The following CBLN2 variants were observed in gnomAD, a reference collection of about 807,000 sequenced individuals.
CBLN2 encodes the protein cerebellin 2 precursor.
CBLN2 carries 7 observed loss-of-function variants against 15.0 expected under a neutral mutation model. That is an observed-to-expected ratio of 0.47 (90% CI 0.27 to 0.88). The LOEUF (loss-of-function observed/expected upper bound fraction) is 0.88, where lower values mean the gene tolerates loss of function less well. Among genes scored for constraint, CBLN2 ranks in the 40% least tolerant of loss-of-function variants. The pLI is 0.14. For synonymous variants in CBLN2, 149 were observed against 135.2 expected (o/e 1.10, Z -0.71); for missense variants, 242 against 304.5 (o/e 0.79, Z 1.53).
intron 1 of CBLN2, among the ~76,000 whole-genome samples, chr18:72,559,240 A>T (rs1343980833): frequency 6.6e-6 from 1 of 152,180 alleles, no homozygotes; most frequent in East Asian, 1.9e-4. Flanking sequence ...ACAATTAACC[A>T]ATCAGCAGTG....
chr18:72,637,899 C>T lies in CBLN2; in HGVS notation c.15+426G>A, dbSNP rs1326974892. Reference sequence around the variant, plus strand: ...GCAAGGAGGCAGAGTCACTGGCAGGCGCTGAAGAAGACAGCGGAGCTCTGA... The same window carrying T: ...GCAAGGAGGCAGAGTCACTGGCAGGTGCTGAAGAAGACAGCGGAGCTCTGA... On this transcript the variant is annotated intron_variant, in intron 1 of 2. Transcript: ENST00000581073. 3.3e-5 allele frequency among the ~76,000 whole-genome samples: 5 copies of T among 152,160 alleles called. No individual in the cohort carries two copies. In the South Asian group the frequency reaches 1.0e-3, roughly 31 times the overall value.
At chr18:72,573,740 G>T (rs2069346638) in intron 1 of CBLN2, among the ~76,000 whole-genome samples, 1 of 152,182 alleles carries the variant, frequency 6.6e-6, no homozygotes, top group Admixed American at 6.5e-5. Context: ...TATGGATAAA[G>T]CTGCTATAAG....
chr18:72,621,787 A>G (rs1251494427), intron 1 of CBLN2, among the ~76,000 whole-genome samples: 1 of 152,166 alleles, frequency 6.6e-6, no homozygotes, highest in African/African-American at 2.4e-5. Context: ...TATGTCATGT[A>G]TGTTTGGTTA....
At chr18:72,560,873 G>T (rs1169617671) in intron 1 of CBLN2, among the ~76,000 whole-genome samples, 1 of 152,110 alleles carries the variant, frequency 6.6e-6, no homozygotes, top group African/African-American at 2.4e-5. Context: ...GCCGGGAGTG[G>T]TGGTGGGCGC....
intron 1 of CBLN2, among the ~76,000 whole-genome samples, chr18:72,632,835 C>G (rs1462219044): frequency 6.6e-6 from 1 of 152,204 alleles, no homozygotes; most frequent in Non-Finnish European, 1.5e-5. Flanking sequence ...AGAGAACCCC[C>G]AAAGAGCTGG....
chr18:72,619,069 C>G (rs1312216927), intron 1 of CBLN2: 6 of 751,256 alleles, frequency 8.0e-6, no homozygotes, highest in Non-Finnish European at 1.4e-5. Context: ...TTGCAACAGT[C>G]TTCAAATTTT....
In CBLN2 at chr18:72,542,203, C is replaced by A. The variant is rs184946495; in HGVS notation, c.-43G>T. On this transcript the variant is annotated 5_prime_UTR_variant, in exon 3 of 5. Transcript: ENST00000269503. ...GGCGCGCGGGGGTGGAGGCCGGCGC[C>A]GGCGCGAGCGGCGCGGAAGGGCGCG... The A allele has an allele frequency of 4.3e-4, 498 of 1,159,302 alleles. No individual in the cohort carries two copies. The African/African-American group carries it at 7.5e-3, about 18-fold the overall frequency. The allele number at this position is 1,159,302 out of a possible 1,614,324, so 71.8% of individuals were successfully genotyped here. A position where few individuals can be genotyped will look rare whatever the true frequency, so the allele number is the denominator to read the frequency against.
chr18:72,604,028 C>T (rs991228221), intron 1 of CBLN2, among the ~76,000 whole-genome samples: 9 of 152,258 alleles, frequency 5.9e-5, no homozygotes, highest in African/African-American at 1.9e-4. Flanking sequence ...AACTTGCGTC[C>T]AGCACCGATT....
intron 1 of CBLN2, among the ~76,000 whole-genome samples, chr18:72,598,414 T>A (rs1180516472): frequency 6.6e-6 from 1 of 152,210 alleles, no homozygotes; most frequent in African/African-American, 2.4e-5. Context: ...TAAGCTGGTA[T>A]CCACGTTGCA....
At chr18:72,625,812 C>CTG (rs1356605655) in intron 1 of CBLN2, among the ~76,000 whole-genome samples, 1 of 69,068 alleles carries the variant, frequency 1.4e-5, no homozygotes, top group Non-Finnish European at 2.9e-5. Context: ...CTCTCTCTCT[C>CTG]TCTCTCTATA....
rs748826242 is a variant in CBLN2, at chr18:72,538,785, AGGGAACAC to A, written c.358-21_358-14del. 1 of 1,612,794 alleles carries A rather than the reference AGGGAACAC, an allele frequency of 6.2e-7. No homozygotes were observed. The highest frequency in any genetic ancestry group is 1.7e-5 in the Admixed American group (1 of 59,978). Reference sequence around the variant, plus strand: ...TATTTACTAATACCTGAAAAAGAAGAGGGAACACAGCACACAATGGCAAGCCCCTCCTC... The same window carrying A: ...TATTTACTAATACCTGAAAAAGAAGAAGCACACAATGGCAAGCCCCTCCTC... On this transcript the variant is annotated splice_polypyrimidine_tract_variant and intron_variant, in intron 3 of 4. Transcript: ENST00000269503.
At chr18:72,589,767 G>T (rs997798080) in intron 1 of CBLN2, among the ~76,000 whole-genome samples, 1 of 152,162 alleles carries the variant, frequency 6.6e-6, no homozygotes, top group Non-Finnish European at 1.5e-5. Flanking sequence ...GAAACAAAAG[G>T]CTATTGTGGG....
intron 1 of CBLN2, among the ~76,000 whole-genome samples, chr18:72,565,503 T>C (rs1007913753): frequency 2.6e-5 from 4 of 152,112 alleles, no homozygotes; most frequent in African/African-American, 7.2e-5. Context: ...AAATGAAAAT[T>C]ATAAATTGTG....
At chr18:72,633,322 G>C (rs1379751790) in intron 1 of CBLN2, among the ~76,000 whole-genome samples, 1 of 152,116 alleles carries the variant, frequency 6.6e-6, no homozygotes, top group African/African-American at 2.4e-5. Flanking sequence ...ACGTTTATAG[G>C]ATTTCTCCTC....
At chr18:72,613,574 A>G (rs1249662832) in intron 1 of CBLN2, among the ~76,000 whole-genome samples, 3 of 152,020 alleles carry the variant, frequency 2.0e-5, no homozygotes, top group African/African-American at 7.2e-5. Flanking sequence ...AAGCTTTGCT[A>G]TTTGCAATAA....
chr18:72,544,528 C>T (rs1306401402), upstream of CBLN2: 5 of 152,322 alleles, frequency 3.3e-5, no homozygotes, highest in South Asian at 1.0e-3. Flanking sequence ...CCGGCGGACT[C>T]CGACAGAAGA....
At position 72,542,115 on chromosome 18, in the gene CBLN2, G is replaced by C. The variant is rs746640682; in HGVS notation, c.46C>G (p.Pro16Ala). ...TCGCGCAGCGCCCCCCGGCGCCCGG[G>C]CATCATCAGCCGCAGCCCGAGTGGC... is the stretch of plus-strand genomic sequence containing the variant. ...RGPLGLRLMM[P>A]GRRGALREPG... is the part of the protein sequence containing the mutation. The change falls in exon 3 of 5, where the codon CCC (proline) becomes GCC (alanine). Residue 16 changes from proline to alanine, a missense_variant. Coordinates refer to ENST00000269503, the MANE Select transcript of CBLN2 (RefSeq NM_182511.4). 240 of 1,434,080 alleles carry C rather than the reference G, an allele frequency of 1.7e-4. No homozygotes were observed. The African/African-American group carries it at 3.4e-3, about 20-fold the overall frequency. The allele number at this position is 1,434,080 out of a possible 1,614,324, so 88.8% of individuals were successfully genotyped here.
At chr18:72,546,127 G>A (rs909351813), upstream of CBLN2, among the ~76,000 whole-genome samples, 1 of 152,168 alleles carries the variant, frequency 6.6e-6, no homozygotes, top group African/African-American at 2.4e-5. Flanking sequence ...TGATTAATTA[G>A]TTGTTTCACA....
At chr18:72,603,457 G>C (rs2069562336) in intron 1 of CBLN2, among the ~76,000 whole-genome samples, 1 of 152,164 alleles carries the variant, frequency 6.6e-6, no homozygotes. Flanking sequence ...TAGGTGAAAA[G>C]TAGTCACTAT....
Sources: gnomAD v4.1 joint callset for allele counts (sites outside exome capture counted in the v4.1 genomes callset) on GRCh38, gnomAD v4.1.1 for gene constraint, MANE v1.5 for transcripts, NCBI Gene and HGNC (gene_info 2026-07-23, HGNC 2026-07-21) for gene names.